HEMK2: variants seen among roughly 807,000 people sequenced by gnomAD.
HEMK2 encodes the protein HemK methyltransferase 2, ETF1 glutamine and histone H4 lysine, also known as methyltransferase HEMK2.
the HEMK2 span, among the ~76,000 whole-genome samples, chr21:28,705,744 T>C: frequency 5.3e-5 from 8 of 152,160 alleles, no homozygotes; most frequent in African/African-American, 1.4e-4. Context: ...AGGACTGTGT[T>C]CCTTTCTGGA....
the HEMK2 span, among the ~76,000 whole-genome samples, chr21:28,602,070 C>T: frequency 6.6e-6 from 1 of 152,058 alleles, no homozygotes; most frequent in Non-Finnish European, 1.5e-5. Flanking sequence ...GGAAGAATTT[C>T]GGCTTCCTAA....
chr21:28,607,397 C>A, the HEMK2 span, among the ~76,000 whole-genome samples: 1 of 151,736 alleles, frequency 6.6e-6, no homozygotes, highest in Admixed American at 6.6e-5. Flanking sequence ...GGCAATACAG[C>A]GAGACTCCAT....
At chr21:28,769,163 G>A in the HEMK2 span, among the ~76,000 whole-genome samples, 3 of 152,178 alleles carry the variant, frequency 2.0e-5, no homozygotes, top group South Asian at 6.2e-4. Flanking sequence ...TAGCTGACAG[G>A]AGATCTCTCC....
chr21:28,820,966 A>C, the HEMK2 span, among the ~76,000 whole-genome samples: 2 of 152,164 alleles, frequency 1.3e-5, no homozygotes, highest in East Asian at 1.9e-4. Flanking sequence ...TTGTCTGAGC[A>C]TTCTCCCCTA....
the HEMK2 span, among the ~76,000 whole-genome samples, chr21:28,716,877 T>C: frequency 6.6e-6 from 1 of 152,306 alleles, no homozygotes; most frequent in African/African-American, 2.4e-5. Context: ...ACAGTTTTGT[T>C]TGCAGTTATG....
the HEMK2 span, among the ~76,000 whole-genome samples, chr21:28,752,725 G>A: frequency 3.3e-5 from 5 of 152,236 alleles, no homozygotes; most frequent in Admixed American, 6.5e-5. Flanking sequence ...CGTCCTCATC[G>A]GATGGGGGCA....
chr21:28,617,120 C>A, the HEMK2 span, among the ~76,000 whole-genome samples: 48 of 152,246 alleles, frequency 3.2e-4, no homozygotes, highest in African/African-American at 1.2e-3. Flanking sequence ...GGTCAGAGAG[C>A]GACTTGGTGG....
At chr21:28,707,325 A>G in the HEMK2 span, among the ~76,000 whole-genome samples, 5 of 146,794 alleles carry the variant, frequency 3.4e-5, no homozygotes, top group African/African-American at 1.0e-4. Flanking sequence ...GCATGATCTC[A>G]GCTCACTGCA....
the HEMK2 span, among the ~76,000 whole-genome samples, chr21:28,655,766 C>T: frequency 1.3e-5 from 2 of 152,084 alleles, no homozygotes; most frequent in Admixed American, 6.6e-5. Flanking sequence ...CCAAAACACA[C>T]AGCTCAGGTA....
the HEMK2 span, chr21:28,872,251 C>CA: frequency 1.3e-5 from 2 of 152,204 alleles, no homozygotes; most frequent in Non-Finnish European, 2.9e-5. Flanking sequence ...AGGGGTCCTT[C>CA]ATGCAGGTTT....
chr21:28,644,782 G>A, the HEMK2 span, among the ~76,000 whole-genome samples: 1 of 152,064 alleles, frequency 6.6e-6, no homozygotes, highest in South Asian at 2.1e-4. Flanking sequence ...TTGTTCTGGT[G>A]GTTTTGATGA....
the HEMK2 span, among the ~76,000 whole-genome samples, chr21:28,635,140 C>T: frequency 7.0e-6 from 1 of 142,856 alleles, no homozygotes; most frequent in African/African-American, 2.6e-5. Flanking sequence ...TTCGCTCTTT[C>T]TCCCAGGCTG....
the HEMK2 span, chr21:28,876,347 G>A: frequency 7.5e-7 from 1 of 1,331,322 alleles, no homozygotes; most frequent in South Asian, 1.4e-5. Context: ...TATGCTAAAT[G>A]CATTCAGTTT....
At chr21:28,697,851 TACAA>T in the HEMK2 span, among the ~76,000 whole-genome samples, 4 of 149,304 alleles carry the variant, frequency 2.7e-5, no homozygotes, top group East Asian at 6.0e-4. Context: ...CTTACAGTAA[TACAA>T]ACAAACAGAC....
At chr21:28,852,813 T>A in the HEMK2 span, among the ~76,000 whole-genome samples, 1 of 152,180 alleles carries the variant, frequency 6.6e-6, no homozygotes, top group Non-Finnish European at 1.5e-5. Flanking sequence ...AGGCTTCGTA[T>A]CAATTTAACT....
the HEMK2 span, among the ~76,000 whole-genome samples, chr21:28,846,123 A>C: frequency 1.3e-5 from 2 of 152,112 alleles, no homozygotes; most frequent in South Asian, 4.1e-4. Flanking sequence ...CAAAGAACAT[A>C]ATCTTATTCT....
chr21:28,614,143 T>C, the HEMK2 span, among the ~76,000 whole-genome samples: 1 of 152,222 alleles, frequency 6.6e-6, no homozygotes, highest in Non-Finnish European at 1.5e-5. Flanking sequence ...TTTACAATCA[T>C]GGTGCAATAT....
the HEMK2 span, among the ~76,000 whole-genome samples, chr21:28,861,183 G>A: frequency 4.6e-5 from 7 of 152,154 alleles, 1 homozygote; most frequent in East Asian, 1.3e-3. Flanking sequence ...GCAGACACTC[G>A]ACTACAAAAT....
At chr21:28,823,246 G>A in the HEMK2 span, among the ~76,000 whole-genome samples, 1 of 152,116 alleles carries the variant, frequency 6.6e-6, no homozygotes, top group Non-Finnish European at 1.5e-5. Flanking sequence ...GCTTTTGACA[G>A]TTTTATATCC....
Sources: allele counts gnomAD v4.1 joint callset (sites outside exome capture counted in the v4.1 genomes callset), GRCh38; gene constraint gnomAD v4.1.1; transcripts MANE v1.5; gene names NCBI Gene and HGNC (gene_info 2026-07-23, HGNC 2026-07-21).